Variants in AGMO observed in about 807,000 individuals in gnomAD.
AGMO encodes the protein alkylglycerol monooxygenase, also known as glyceryl-ether monooxygenase.
Under a neutral mutation model 60.2 loss-of-function variants are expected in AGMO, and 75 were observed. That is an observed-to-expected ratio of 1.25 (90% CI 1.03 to 1.51). The LOEUF is 1.51. Among genes scored for constraint, AGMO ranks in the 40% most tolerant of loss-of-function variants. AGMO has a pLI of 0.00. For missense variants in AGMO, 763 were observed against 525.5 expected (o/e 1.45, Z -4.42); for synonymous variants, 261 against 177.1 (o/e 1.47, Z -3.76).
chr7:15,548,079 A>G (rs1484239699), intron 2 of AGMO, among the ~76,000 whole-genome samples: 1 of 152,158 alleles, frequency 6.6e-6, no homozygotes, highest in Non-Finnish European at 1.5e-5. Flanking sequence ...ACGGCAGGGT[A>G]TTCCAACAGA....
At chr7:15,128,142 T>C in the AGMO span, among the ~76,000 whole-genome samples, 1 of 152,102 alleles carries the variant, frequency 6.6e-6, no homozygotes, top group South Asian at 2.1e-4. Flanking sequence ...AGTTTGCCTC[T>C]TGTTACTAGT....
chr7:15,391,811 G>C (rs1685437997), intron 6 of AGMO, among the ~76,000 whole-genome samples: 1 of 152,136 alleles, frequency 6.6e-6, no homozygotes, highest in South Asian at 2.1e-4. Flanking sequence ...AATTTCTGGA[G>C]ACATGAGTAG....
At chr7:15,527,628 A>T (rs904252468) in intron 3 of AGMO, among the ~76,000 whole-genome samples, 2 of 152,206 alleles carry the variant, frequency 1.3e-5, no homozygotes, top group African/African-American at 4.8e-5. Flanking sequence ...TGCACTAAAC[A>T]ATAGATTTTC....
chr7:15,522,899 A>C (rs141136868), intron 3 of AGMO, among the ~76,000 whole-genome samples: 1,674 of 152,238 alleles, frequency 0.011, 40 homozygotes, highest in African/African-American at 0.038. Context: ...TATCATCGGC[A>C]TGAACAGACA....
intron 12 of AGMO, among the ~76,000 whole-genome samples, chr7:15,268,435 T>TCTA (rs1373967040): frequency 6.6e-6 from 1 of 152,032 alleles, no homozygotes; most frequent in Non-Finnish European, 1.5e-5. Context: ...GAAACAGATA[T>TCTA]CTACTGGCTG....
chr7:15,452,639 T>C (rs1168355257), intron 3 of AGMO, among the ~76,000 whole-genome samples: 1 of 152,196 alleles, frequency 6.6e-6, no homozygotes, highest in South Asian at 2.1e-4. Flanking sequence ...CCGGTGTGTA[T>C]GTAAAATGGT....
chr7:15,234,183 A>C (rs1295279171), intron 12 of AGMO, among the ~76,000 whole-genome samples: 1 of 152,174 alleles, frequency 6.6e-6, no homozygotes, highest in Non-Finnish European at 1.5e-5. Flanking sequence ...CTTTCTGACC[A>C]CAAGTAAATT....
chr7:15,515,383 C>T (rs1783781238), intron 3 of AGMO, among the ~76,000 whole-genome samples: 1 of 152,124 alleles, frequency 6.6e-6, no homozygotes, highest in African/African-American at 2.4e-5. Flanking sequence ...AACACAGAAC[C>T]CAAACGGTTC....
chr7:15,212,907 A>G (rs1334214531), intron 12 of AGMO, among the ~76,000 whole-genome samples: 2 of 151,960 alleles, frequency 1.3e-5, no homozygotes, highest in Non-Finnish European at 2.9e-5. Flanking sequence ...CTTACTACAG[A>G]CTTTCATACG....
chr7:15,163,660 G>C, the AGMO span, among the ~76,000 whole-genome samples: 1 of 151,912 alleles, frequency 6.6e-6, no homozygotes. Flanking sequence ...TCATATCCTT[G>C]GGATAACAAT....
intron 2 of AGMO, among the ~76,000 whole-genome samples, chr7:15,557,800 G>A (rs376970589): frequency 6.0e-4 from 91 of 152,144 alleles, no homozygotes; most frequent in Middle Eastern, 6.8e-3. Flanking sequence ...GAAGAAAGGA[G>A]TAATTTGCTA....
chr7:15,232,801 G>GCGCACA (rs1554398737), intron 12 of AGMO, among the ~76,000 whole-genome samples: 13 of 147,126 alleles, frequency 8.8e-5, no homozygotes, highest in African/African-American at 3.0e-4. Context: ...ACACACACAC[G>GCGCACA]CACACACACA....
chr7:15,354,506 A>G (rs868681474), intron 12 of AGMO, among the ~76,000 whole-genome samples: 1,740 of 51,010 alleles, frequency 0.034, 157 homozygotes, highest in Non-Finnish European at 0.041. Context: ...GTATATATAT[A>G]TATATATATA....
chr7:15,167,604 C>G, the AGMO span, among the ~76,000 whole-genome samples: 4 of 152,250 alleles, frequency 2.6e-5, no homozygotes, highest in African/African-American at 9.6e-5. Context: ...GTTCTTATAT[C>G]AGACTGAAAA....
intron 12 of AGMO, among the ~76,000 whole-genome samples, chr7:15,350,777 G>A (rs553266529): frequency 6.6e-6 from 1 of 152,114 alleles, no homozygotes; most frequent in Admixed American, 6.6e-5. Flanking sequence ...CCAGAATATT[G>A]TTAAAGGCTG....
chr7:15,186,999 A>G, the AGMO span, among the ~76,000 whole-genome samples: 1 of 152,212 alleles, frequency 6.6e-6, no homozygotes, highest in East Asian at 1.9e-4. Context: ...GAAGAAATTT[A>G]ATTTAGACCT....
At chr7:15,135,570 T>A in the AGMO span, among the ~76,000 whole-genome samples, 1 of 152,186 alleles carries the variant, frequency 6.6e-6, no homozygotes, top group South Asian at 2.1e-4. Context: ...TGCTGTAAAA[T>A]CTGTAGTTTT....
intron 3 of AGMO, among the ~76,000 whole-genome samples, chr7:15,530,769 A>C (rs1221600723): frequency 7.3e-6 from 1 of 136,366 alleles, no homozygotes; most frequent in African/African-American, 2.7e-5. Context: ...CTATATATAC[A>C]TTTCTATATA....
At chr7:15,502,457 C>A (rs1230658454) in intron 3 of AGMO, among the ~76,000 whole-genome samples, 8 of 151,960 alleles carry the variant, frequency 5.3e-5, no homozygotes, top group African/African-American at 1.9e-4. Flanking sequence ...TTAAAATTAT[C>A]AAAGCAGTGG....
Sources: gnomAD v4.1 joint callset for allele counts (sites outside exome capture counted in the v4.1 genomes callset) on GRCh38, gnomAD v4.1.1 for gene constraint, MANE v1.5 for transcripts, NCBI Gene and HGNC (gene_info 2026-07-23, HGNC 2026-07-21) for gene names.